Variants in NDRG3 observed in about 807,000 individuals in gnomAD.
NDRG3 encodes NDRG family member 3.
NDRG3 carries 23 observed loss-of-function variants against 57.2 expected under a neutral mutation model. The ratio of observed to expected loss-of-function variants is 0.40; its 90% confidence interval spans 0.29 to 0.57. The LOEUF (loss-of-function observed/expected upper bound fraction) is 0.57, where lower values mean the gene tolerates loss of function less well. NDRG3 is among the 20% of genes least tolerant of loss of function. NDRG3 has a pLI of 0.42. For missense variants in NDRG3, 384 were observed against 457.3 expected (o/e 0.84, Z 1.46); for synonymous variants, 132 against 162.6 (o/e 0.81, Z 1.43).
intron 1 of NDRG3, among the ~76,000 whole-genome samples, chr20:36,722,568 G>A (rs996843850): frequency 7.9e-5 from 12 of 152,164 alleles, no homozygotes; most frequent in African/African-American, 2.7e-4. Context: ...ACTGGAAGAC[G>A]GATTAAGCGG....
At chr20:36,736,491 C>T (rs1012188755) in intron 1 of NDRG3, among the ~76,000 whole-genome samples, 1 of 152,214 alleles carries the variant, frequency 6.6e-6, no homozygotes, top group African/African-American at 2.4e-5. Flanking sequence ...TCCCAGAGTA[C>T]TGGGCTAAAT....
chr20:36,733,165 AAAAAAAATATATATATATATATATAT>A (rs1357779954), intron 1 of NDRG3, among the ~76,000 whole-genome samples: 2,245 of 44,552 alleles, frequency 0.05, 126 homozygotes, highest in Middle Eastern at 0.11. Context: ...AAAAAAAAAA[AAAAAAAATATATATATATATATATAT>A]ATATATATAT....
chr20:36,671,196 A>C (rs1449963538), intron 9 of NDRG3, 145 bp downstream of exon 9: 35 of 658,394 alleles, frequency 5.3e-5, no homozygotes, highest in Non-Finnish European at 1.6e-5. Context: ...TCACCTTTGC[A>C]GGGCCACATG....
At chr20:36,718,651 G>A (rs539025134) in intron 2 of NDRG3, among the ~76,000 whole-genome samples, 8 of 152,136 alleles carry the variant, frequency 5.3e-5, no homozygotes, top group Admixed American at 2.6e-4. Context: ...CATATGGCAG[G>A]GGAAGGGAGA....
chr20:36,694,018 A>G (rs958736527), intron 3 of NDRG3, among the ~76,000 whole-genome samples: 7 of 152,298 alleles, frequency 4.6e-5, no homozygotes, highest in Non-Finnish European at 1.0e-4. Flanking sequence ...AAAGTAAGCT[A>G]AAGAAAAGAA....
intron 1 of NDRG3, among the ~76,000 whole-genome samples, chr20:36,739,640 G>C (rs996909851): frequency 1.3e-5 from 2 of 151,370 alleles, no homozygotes; most frequent in East Asian, 2.0e-4. Context: ...ACCCTGTCTC[G>C]GCCGGGCGCC....
intron 13 of NDRG3, among the ~76,000 whole-genome samples, chr20:36,658,844 C>T (rs146184030): frequency 9.3e-4 from 142 of 152,262 alleles, no homozygotes; most frequent in African/African-American, 3.3e-3. Flanking sequence ...AATGCATCCA[C>T]CCTCATCATA....
At chr20:36,725,979 A>G (rs1984910263) in intron 1 of NDRG3, among the ~76,000 whole-genome samples, 2 of 139,420 alleles carry the variant, frequency 1.4e-5, no homozygotes, top group South Asian at 4.4e-4. Context: ...CCTAGGCTGG[A>G]GTGCAGTGGC....
chr20:36,704,055 T>C (rs376595420), intron 3 of NDRG3, among the ~76,000 whole-genome samples: 2 of 152,088 alleles, frequency 1.3e-5, no homozygotes, highest in South Asian at 2.1e-4. Context: ...ATGTAATCTT[T>C]TATATTCTAA....
rs567617650 is a variant in NDRG3, at chr20:36,693,473, T to G, written c.94-4689A>C. On this transcript the variant is annotated intron_variant, in intron 3 of 15. Coordinates refer to ENST00000349004, the MANE Select transcript of NDRG3 (RefSeq NM_032013.4). ...GCTAACTAACACATATTTTGTATGTTATATTATAAACTGCAGGGGTCCCCA... is the reference window on the plus strand; with the variant it reads ...GCTAACTAACACATATTTTGTATGTGATATTATAAACTGCAGGGGTCCCCA... Among the ~76,000 whole-genome samples, 3 of 151,648 alleles carry G rather than the reference T, an allele frequency of 2.0e-5. No individual in the cohort carries two copies. In the East Asian group the frequency reaches 5.8e-4, roughly 30 times the overall value.
intron 2 of NDRG3, among the ~76,000 whole-genome samples, chr20:36,720,101 C>T (rs1376108196): frequency 4.1e-5 from 6 of 147,828 alleles, no homozygotes; most frequent in Admixed American, 6.7e-5. Flanking sequence ...AGTGAGACTC[C>T]GTCTCAAAAA....
At chr20:36,688,656 A>G (rs2148120392) in intron 4 of NDRG3, 23 bp downstream of exon 4, 1 of 1,475,228 alleles carries the variant, frequency 6.8e-7, no homozygotes, top group Non-Finnish European at 9.5e-7. Context: ...ATAAGAAGGG[A>G]AGGTGTAAAA....
chr20:36,658,440 A>G (rs904909251), intron 13 of NDRG3, among the ~76,000 whole-genome samples: 2 of 152,216 alleles, frequency 1.3e-5, no homozygotes, highest in African/African-American at 2.4e-5. Context: ...AGACCAGCCC[A>G]TCAATTGCCT....
chr20:36,655,106 T>C (rs1281382249), intron 15 of NDRG3, among the ~76,000 whole-genome samples: 1 of 152,174 alleles, frequency 6.6e-6, no homozygotes, highest in Non-Finnish European at 1.5e-5. Flanking sequence ...GATCAGCTAT[T>C]TCATAGGAAA....
chr20:36,663,344 A>G (rs1278376009), intron 12 of NDRG3, among the ~76,000 whole-genome samples: 2 of 152,142 alleles, frequency 1.3e-5, no homozygotes, highest in Non-Finnish European at 2.9e-5. Context: ...CTATGTCTAC[A>G]CCTCTGATTA....
chr20:36,712,579 A>T (rs866642458), intron 2 of NDRG3, among the ~76,000 whole-genome samples: 508 of 15,084 alleles, frequency 0.034, 22 homozygotes, highest in African/African-American at 0.11. Flanking sequence ...ATATATATAT[A>T]TATATATATT....
intron 3 of NDRG3, among the ~76,000 whole-genome samples, chr20:36,693,007 C>G (rs1982391831): frequency 7.6e-6 from 1 of 132,134 alleles, no homozygotes; most frequent in Non-Finnish European, 1.5e-5. Flanking sequence ...CCCAGGAGGT[C>G]AAGGCTGTAG....
At chr20:36,668,628 T>C (rs1979840251) in intron 9 of NDRG3, 1 of 151,980 alleles carries the variant, frequency 6.6e-6, no homozygotes, top group East Asian at 1.9e-4. Context: ...TGTAACTAAC[T>C]GTGAACAATC....
At chr20:36,682,160 G>A (rs1981358480) in intron 7 of NDRG3, among the ~76,000 whole-genome samples, 2 of 152,038 alleles carry the variant, frequency 1.3e-5, no homozygotes, top group East Asian at 3.9e-4. Context: ...CTTTCCTATG[G>A]CTATGACAAA....
Sources: gnomAD v4.1 joint callset for allele counts (sites outside exome capture counted in the v4.1 genomes callset) on GRCh38, gnomAD v4.1.1 for gene constraint, MANE v1.5 for transcripts, NCBI Gene and HGNC (gene_info 2026-07-23, HGNC 2026-07-21) for gene names.